MICB: variants seen among roughly 807,000 people sequenced by gnomAD.
The protein encoded by MICB is MHC class I polypeptide-related sequence B.
A neutral mutation model predicts 34.3 loss-of-function variants in MICB; 27 were observed. The ratio of observed to expected loss-of-function variants is 0.79; its 90% CI spans 0.58 to 1.08. The LOEUF (loss-of-function observed/expected upper bound fraction) is 1.08. MICB is among the 50% of genes least tolerant of loss of function. The probability of loss-of-function intolerance (pLI) is 0.00; values close to 1 mark genes in which losing one functional copy is unlikely to be tolerated. For synonymous variants in MICB, 153 were observed against 187.4 expected, an observed-to-expected ratio of 0.82 and a Z score of 1.50; for missense variants, 426 against 483.1, an observed-to-expected ratio of 0.88 and a Z score of 1.11.
intron 1 of MICB, among the ~76,000 whole-genome samples, chr6:31,505,348 C>A (rs1323363890): frequency 6.6e-6 from 1 of 152,210 alleles, no homozygotes; most frequent in Non-Finnish European, 1.5e-5. Flanking sequence ...CCCTTGGCCC[C>A]TATTCCCTTA....
chr6:31,502,676 C>T (rs1253227242), intron 1 of MICB, among the ~76,000 whole-genome samples: 3 of 152,228 alleles, frequency 2.0e-5, no homozygotes, highest in Admixed American at 6.5e-5. Flanking sequence ...TATCAGACCA[C>T]ATGATGTGCA....
upstream of MICB, among the ~76,000 whole-genome samples, chr6:31,495,710 TG>T (rs1764617170): frequency 6.6e-6 from 1 of 151,652 alleles, no homozygotes; most frequent in African/African-American, 2.4e-5. Context: ...CATAGTCTAA[TG>T]GGGGAGGAGG....
upstream of MICB, chr6:31,495,062 G>C (rs1370077452): frequency 3.3e-5 from 5 of 151,864 alleles, no homozygotes; most frequent in Admixed American, 6.6e-5. Context: ...GGGGTGGAGG[G>C]GGAGGGCTTT....
upstream of MICB, among the ~76,000 whole-genome samples, chr6:31,497,125 A>G (rs3828905): frequency 0.34 from 51,374 of 151,980 alleles, 8,829 homozygotes; most frequent in East Asian, 0.46. Context: ...AGTAATCCAG[A>G]CTGAAGGGAG....
At chr6:31,495,956 G>T (rs1427806109), upstream of MICB, among the ~76,000 whole-genome samples, 5 of 152,152 alleles carry the variant, frequency 3.3e-5, no homozygotes, top group Non-Finnish European at 5.9e-5. Context: ...CATCAGGAAG[G>T]TTCAAACCAT....
intron 5 of MICB, among the ~76,000 whole-genome samples, chr6:31,508,144 C>G (rs1330537614): frequency 6.6e-6 from 1 of 152,152 alleles, no homozygotes; most frequent in Admixed American, 6.5e-5. Context: ...AGATGTGGTC[C>G]CTGTTTTCAT....
At chr6:31,495,268 C>A (rs920168715), upstream of MICB, among the ~76,000 whole-genome samples, 6 of 152,018 alleles carry the variant, frequency 3.9e-5, no homozygotes, top group Admixed American at 3.3e-4. Flanking sequence ...TATTAAAAGT[C>A]TTTTTTGGAG....
At chr6:31,498,305 CG>C (rs754668971) in intron 1 of MICB, 42 bp downstream of exon 1, 2 of 1,492,204 alleles carry the variant, frequency 1.3e-6, no homozygotes, top group South Asian at 2.4e-5. Context: ...GCGGGAGCGG[CG>C]GGGCGTTTCC....
At chr6:31,500,118 CCCCAGTGGGCTCTCACT>C (rs1764939462) in intron 1 of MICB, among the ~76,000 whole-genome samples, 1 of 151,938 alleles carries the variant, frequency 6.6e-6, no homozygotes, top group Non-Finnish European at 1.5e-5. Context: ...GGTTCCTTGA[CCCCAGTGGGCTCTCACT>C]CCCCACACCG....
intron 1 of MICB, among the ~76,000 whole-genome samples, chr6:31,502,676 C>A (rs1253227242): frequency 2.0e-5 from 3 of 152,228 alleles, no homozygotes; most frequent in Non-Finnish European, 4.4e-5. Context: ...TATCAGACCA[C>A]ATGATGTGCA....
At chr6:31,500,799 G>A (rs897518878) in intron 1 of MICB, among the ~76,000 whole-genome samples, 6 of 152,192 alleles carry the variant, frequency 3.9e-5, no homozygotes, top group African/African-American at 1.4e-4. Context: ...ATACACGTGT[G>A]CACCACATTT....
intron 3 of MICB, among the ~76,000 whole-genome samples, chr6:31,506,729 C>T (rs187850709): frequency 7.9e-5 from 12 of 152,226 alleles, no homozygotes; most frequent in Admixed American, 3.3e-4. Context: ...CTCTGCCTCC[C>T]GGCCTGCCCA....
chr6:31,504,541 G>T (rs1765192126), intron 1 of MICB, among the ~76,000 whole-genome samples: 1 of 152,000 alleles, frequency 6.6e-6, no homozygotes, highest in African/African-American at 2.4e-5. Context: ...CTACAGGCTT[G>T]AGCCACCACG....
rs1315693900 is a variant in MICB, at chr6:31,509,913, C to G, written c.*4C>G. ...TGGTTCCACTGAGGGCACCTAGACT[C>G]TACAGCCAGGCGGCCAGGATTCAAC... On this transcript the variant is annotated 3_prime_UTR_variant, in exon 6 of 6. Transcript: ENST00000252229. 1 of 1,594,436 alleles carries G rather than the reference C, an allele frequency of 6.3e-7. No homozygotes were observed. The highest frequency in any genetic ancestry group is 1.8e-5 in the Admixed American group (1 of 56,792).
Position 31,502,521 on chromosome 6 carries a change from G to A in MICB, c.71-3096G>A, listed in dbSNP as rs148523875. Among the ~76,000 whole-genome samples, 1,281 of 152,196 alleles carry A rather than the reference G, an allele frequency of 8.4e-3. 8 individuals are homozygous for A. The highest frequency in any genetic ancestry group is 0.013 in the Admixed American group (196 of 15,274). On this transcript the variant is annotated intron_variant, in intron 1 of 5. Coordinates refer to ENST00000252229, the MANE Select transcript of MICB (RefSeq NM_005931.5). The stretch of plus-strand genomic sequence containing the variant: ...TTTGTAGCTAATGAAAATGGGATTC[G>A]TTTCTTGATTTCTTTTTCAGATTAT...
At chr6:31,500,455 C>A (rs1222144779) in intron 1 of MICB, among the ~76,000 whole-genome samples, 1 of 152,174 alleles carries the variant, frequency 6.6e-6, no homozygotes, top group Non-Finnish European at 1.5e-5. Flanking sequence ...GTGCTACAAA[C>A]AATCCCATTA....
At position 31,507,190 on chromosome 6, in the gene MICB, A is replaced by G; in HGVS notation, c.782A>G (p.Asn261Ser). 1 of 1,614,114 alleles carries G rather than the reference A, an allele frequency of 6.2e-7. No homozygotes were observed. Among genetic ancestry groups the G allele is most frequent in the Non-Finnish European group, 8.5e-7 (1 of 1,179,990 alleles). ...TGGGGGGATGTCCTGCCTGATGGGA[A>G]TGGAACCTACCAGACCTGGGTGGCC... ...QQWGDVLPDG[N>S]GTYQTWVATR... Residue 261 changes from asparagine (N) to serine (S), a missense_variant, in exon 4 of 6, where the codon AAT becomes AGT. Coordinates refer to ENST00000252229, the MANE Select transcript of MICB (RefSeq NM_005931.5). The surrounding 1 kb of genome is among the most constrained non-coding windows in gnomAD (Gnocchi z 6.0).
At chr6:31,501,588 C>A (rs9267393) in intron 1 of MICB, among the ~76,000 whole-genome samples, 51,404 of 151,940 alleles carry the variant, frequency 0.34, 8,829 homozygotes, top group East Asian at 0.46. Flanking sequence ...CATCTTTAAT[C>A]CTTTTTGATT....
intron 1 of MICB, among the ~76,000 whole-genome samples, chr6:31,500,790 T>C (rs562117834): frequency 2.5e-4 from 38 of 152,356 alleles, no homozygotes; most frequent in Non-Finnish European, 2.1e-4. Flanking sequence ...GTACTCCACA[T>C]ACACGTGTGC....
Sources: gnomAD v4.1 joint callset for allele counts (sites outside exome capture counted in the v4.1 genomes callset) on GRCh38, gnomAD v4.1.1 for gene constraint, Gnocchi (gnomAD v3.1) non-coding constraint, MANE v1.5 for transcripts, NCBI Gene and HGNC (gene_info 2026-07-23, HGNC 2026-07-21) for gene names.